Variants in TCF7L2 observed in about 807,000 individuals in gnomAD.
TCF7L2 encodes the protein transcription factor 7 like 2, also known as transcription factor 7-like 2.
In TCF7L2, 23 loss-of-function variants were observed where a neutral mutation model predicts 77.9. The observed-to-expected ratio is 0.30, with a 90% CI of 0.21 to 0.42. The LOEUF (loss-of-function observed/expected upper bound fraction) is 0.42, where lower values mean the gene tolerates loss of function less well. Ranked by LOEUF, TCF7L2 falls within the 10% of genes least tolerant of loss-of-function variation. The pLI is 1.00. For synonymous variants in TCF7L2, 413 were observed against 340.2 expected (o/e 1.21, Z -2.36); for missense variants, 654 against 793.1 (o/e 0.82, Z 2.11).
rs2134265774 is a variant in TCF7L2, at chr10:113,040,106, C to G, written c.532C>G (p.Pro178Ala). The stretch of plus-strand genomic sequence containing the variant: ...ACAAGCCCTCAAGGATGCCCGGTCC[C>G]CATCACCGGCACACATTGTCGTAAG... Residue 178 changes from proline (P) to alanine (A), a missense_variant, in exon 5 of 14, where the codon CCA becomes GCA. Coordinates refer to ENST00000627217, the MANE Select transcript of TCF7L2 (RefSeq NM_001146274.2). 1.2e-6 allele frequency: 2 copies of G among 1,613,794 alleles called. No homozygotes were observed. Among genetic ancestry groups the G allele is most frequent in the Non-Finnish European group, 8.5e-7 (1 of 1,179,826 alleles).
intron 4 of TCF7L2, among the ~76,000 whole-genome samples, chr10:113,020,370 C>T (rs2133852050): frequency 6.6e-6 from 1 of 152,294 alleles, no homozygotes; most frequent in South Asian, 2.1e-4. Flanking sequence ...CTCTCCTCAC[C>T]CCGTGTGTCT....
rs148050954 is a variant in TCF7L2, at chr10:113,160,664, G to T, written c.1364G>T (p.Arg455Leu). The change falls in exon 13 of 14, where the codon CGA becomes CTA. Residue 455 changes from arginine to leucine, a missense_variant. Arg to Leu is a moderately radical substitution (Grantham distance 102, BLOSUM62 -2). Transcript: ENST00000627217. ...TGTCGGGCACTGTTCGGGCTTGACC[G>T]ACAGACTTTATGGTGCAAACCGTGC... 4 of 1,596,094 alleles carry T rather than the reference G, an allele frequency of 2.5e-6. No individual in the cohort carries two copies. The highest frequency in any genetic ancestry group is 3.4e-6 in the Non-Finnish European group (4 of 1,170,944).
At chr10:112,997,780 T>C (rs1338989671) in intron 4 of TCF7L2, among the ~76,000 whole-genome samples, 1 of 152,204 alleles carries the variant, frequency 6.6e-6, no homozygotes, top group Non-Finnish European at 1.5e-5. Context: ...CTGTTGGGCC[T>C]AGAGTGTCAC....
intron 4 of TCF7L2, among the ~76,000 whole-genome samples, chr10:113,004,597 A>G (rs952055070): frequency 6.6e-6 from 1 of 152,212 alleles, no homozygotes; most frequent in Non-Finnish European, 1.5e-5. Flanking sequence ...TTGTGACTCA[A>G]TCTTAAACGT....
chr10:113,130,787 C>T (rs892073202), intron 5 of TCF7L2, among the ~76,000 whole-genome samples: 38 of 151,146 alleles, frequency 2.5e-4, no homozygotes, highest in African/African-American at 7.3e-4. Context: ...ATTTTTGAGA[C>T]GGAGTTTCGC....
intron 5 of TCF7L2, among the ~76,000 whole-genome samples, chr10:113,097,272 T>A (rs1404919729): frequency 6.6e-6 from 1 of 152,160 alleles, no homozygotes; most frequent in African/African-American, 2.4e-5. Context: ...TAGGAGCAGC[T>A]TGTAACCAAC....
At chr10:112,951,336 C>A in intron 2 of TCF7L2, 63 bp downstream of exon 2, 3 of 985,150 alleles carry the variant, frequency 3.0e-6, no homozygotes, top group Non-Finnish European at 3.6e-6. Flanking sequence ...CCGCCCCGCG[C>A]GCCCCGGCCC....
At chr10:112,968,950 C>T (rs918222798) in intron 4 of TCF7L2, among the ~76,000 whole-genome samples, 2 of 152,010 alleles carry the variant, frequency 1.3e-5, no homozygotes, top group Admixed American at 6.6e-5. Context: ...CTGTACTCAG[C>T]GCTTCTATTG....
intron 5 of TCF7L2, among the ~76,000 whole-genome samples, chr10:113,100,845 G>T (rs1420828141): frequency 2.0e-5 from 3 of 152,200 alleles, no homozygotes; most frequent in African/African-American, 7.2e-5. Flanking sequence ...GGAGGCTGAC[G>T]CAGGTGGATC....
At position 113,151,893 on chromosome 10, in the gene TCF7L2, C is replaced by T. The variant is rs776243349; in HGVS notation, c.1161+9C>T. ...AGATCCTTGGGCGGAGGGTAGGTGA[C>T]GCCCTTCTCAGGGAGAAGCGGGGGG... On this transcript the variant is annotated intron_variant, in intron 10 of 13. Coordinates refer to ENST00000627217, the MANE Select transcript of TCF7L2 (RefSeq NM_001146274.2). This position sits in a 1 kb window ranked among gnomAD's most constrained non-coding sequence, Gnocchi z 5.2. The T allele has an allele frequency of 1.4e-5, 22 of 1,591,240 alleles. No homozygotes were observed. Among genetic ancestry groups the T allele is most frequent in the African/African-American group, 2.7e-5 (2 of 73,330 alleles).
At chr10:113,072,798 G>A (rs1413264444) in intron 5 of TCF7L2, among the ~76,000 whole-genome samples, 1 of 152,170 alleles carries the variant, frequency 6.6e-6, no homozygotes, top group Non-Finnish European at 1.5e-5. Context: ...TTCTTGCCTC[G>A]ATCTGTAGCA....
chr10:113,039,166 T>C (rs555133765), intron 4 of TCF7L2, among the ~76,000 whole-genome samples: 21 of 152,344 alleles, frequency 1.4e-4, no homozygotes, highest in Non-Finnish European at 2.8e-4. Flanking sequence ...CCTCTGTGAC[T>C]GGGCAAGCCA....
At chr10:113,123,804 C>T (rs180871301) in intron 5 of TCF7L2, among the ~76,000 whole-genome samples, 1 of 152,166 alleles carries the variant, frequency 6.6e-6, no homozygotes. Context: ...CCTTGACGTG[C>T]GTGTGAACAA....
At chr10:112,993,398 C>T (rs1286036027) in intron 4 of TCF7L2, among the ~76,000 whole-genome samples, 3 of 151,488 alleles carry the variant, frequency 2.0e-5, no homozygotes, top group Non-Finnish European at 2.9e-5. Flanking sequence ...CCCACCTACT[C>T]GAGAGGCTGA....
intron 4 of TCF7L2, among the ~76,000 whole-genome samples, chr10:113,000,220 T>A (rs891047546): frequency 6.6e-6 from 1 of 152,194 alleles, no homozygotes; most frequent in Non-Finnish European, 1.5e-5. Flanking sequence ...ACTCTGTTTG[T>A]TTACTCCATC....
At chr10:113,084,909 CCA>C (rs2059676358) in intron 5 of TCF7L2, among the ~76,000 whole-genome samples, 2 of 146,990 alleles carry the variant, frequency 1.4e-5, no homozygotes, top group Non-Finnish European at 1.5e-5. Context: ...CCACCCCCCC[CCA>C]AAAAAAAAAA....
At position 112,950,862 on chromosome 10, in the gene TCF7L2, T is replaced by G. The variant is rs1412579025; in HGVS notation, c.106T>G (p.Ser36Ala). The G allele has an allele frequency of 1.2e-6, 2 of 1,611,222 alleles. No individual in the cohort carries two copies. Among genetic ancestry groups the G allele is most frequent in the Non-Finnish European group, 1.7e-6 (2 of 1,178,940 alleles). The change falls in exon 1 of 14, where the codon TCG (serine) becomes GCG (alanine). Residue 36 changes from serine to alanine, a missense_variant. By Grantham distance (99) the Ser-to-Ala change is moderately conservative. Coordinates refer to ENST00000627217, the MANE Select transcript of TCF7L2 (RefSeq NM_001146274.2). The stretch of plus-strand genomic sequence containing the variant: ...GGAGGAGAAGAGCTCCGAAAACTCC[T>G]CGGCAGAGAGGGATTTAGCTGATGT...
intron 8 of TCF7L2, 69 bp downstream of exon 8, chr10:113,146,166 C>A: frequency 7.2e-7 from 1 of 1,397,994 alleles, no homozygotes; most frequent in Non-Finnish European, 1.0e-6. Context: ...TCTAGATGGC[C>A]ACCAAGCCAC....
intron 13 of TCF7L2, among the ~76,000 whole-genome samples, chr10:113,162,858 TTCTAAGAGGCCACTCC>T: frequency 6.6e-6 from 1 of 152,220 alleles, no homozygotes; most frequent in Middle Eastern, 3.4e-3. Flanking sequence ...AGAAAGGGGT[TTCTAAGAGGCCACTCC>T]TCTGAATCGA....
Sources: allele counts gnomAD v4.1 joint callset (sites outside exome capture counted in the v4.1 genomes callset), GRCh38; gene constraint gnomAD v4.1.1; non-coding constraint Gnocchi (gnomAD v3.1); transcripts MANE v1.5; gene names NCBI Gene and HGNC (gene_info 2026-07-23, HGNC 2026-07-21).